LINC00632: variants seen among roughly 807,000 people sequenced by gnomAD.
The protein encoded by LINC00632 is long independently transcribed non-coding RNA 632.
At chrX:140,714,911 G>A (rs1432566168) in intron 2 of LINC00632, 1 of 108,710 alleles carries the variant, frequency 9.2e-6, no homozygotes, top group East Asian at 2.9e-4. Context: ...TCACTCATTT[G>A]CCCTAAAATA....
At chrX:140,719,806 C>T (rs1383245922) in intron 2 of LINC00632, among the ~76,000 whole-genome samples, 2 of 108,798 alleles carry the variant, frequency 1.8e-5, no homozygotes, top group Admixed American at 2.0e-4. Context: ...ACTCACATCC[C>T]AGGCCAGGTG....
chrX:140,730,983 C>A (rs1039810030), intron 2 of LINC00632, among the ~76,000 whole-genome samples: 1 of 109,657 alleles, frequency 9.1e-6, no homozygotes, highest in Non-Finnish European at 1.9e-5. Context: ...CTCACTGTAA[C>A]CTCCATCTCC....
intron 3 of LINC00632, among the ~76,000 whole-genome samples, chrX:140,743,141 C>A (rs1190521371): frequency 1.0e-5 from 1 of 96,971 alleles, no homozygotes; most frequent in Non-Finnish European, 2.0e-5. Context: ...AGGAGAATTG[C>A]TTAAACCCAG....
chrX:140,783,964 C>T (rs760104879), exon 5 of LINC00632: 28 of 1,207,336 alleles, frequency 2.3e-5, no homozygotes, highest in Non-Finnish European at 3.1e-5. Context: ...CTTCCAATGG[C>T]CTCCAGGTCT....
intron 2 of LINC00632, among the ~76,000 whole-genome samples, chrX:140,718,109 C>CAT (rs1930665769): frequency 9.1e-6 from 1 of 110,302 alleles, no homozygotes; most frequent in Non-Finnish European, 1.9e-5. Context: ...GCACTTCAGC[C>CAT]TGGGCAACAA....
chrX:140,739,221 C>CT (rs201185169), intron 3 of LINC00632, among the ~76,000 whole-genome samples: 8 of 108,873 alleles, frequency 7.3e-5, no homozygotes, highest in African/African-American at 1.0e-4. Context: ...CATCTGATTT[C>CT]TTTTTTTTTC....
chrX:140,726,079 A>G (rs151218044), intron 2 of LINC00632, among the ~76,000 whole-genome samples: 7,128 of 110,280 alleles, frequency 0.065, 268 homozygotes, highest in African/African-American at 0.14. Flanking sequence ...AACTTTTTCT[A>G]CACTGCCAAC....
chrX:140,765,132 A>T (rs1249887299), intron 3 of LINC00632, among the ~76,000 whole-genome samples: 2 of 112,056 alleles, frequency 1.8e-5, no homozygotes, highest in Non-Finnish European at 3.8e-5. Flanking sequence ...ACTTAGCCTC[A>T]CTTGCCTCAC....
At chrX:140,752,019 C>T (rs1223175822) in intron 3 of LINC00632, among the ~76,000 whole-genome samples, 1 of 111,412 alleles carries the variant, frequency 9.0e-6, no homozygotes, top group Non-Finnish European at 1.9e-5. Context: ...ATCTTAGGGA[C>T]AGGACACAGT....
intron 3 of LINC00632, among the ~76,000 whole-genome samples, chrX:140,742,877 G>A (rs182152107): frequency 3.2e-4 from 30 of 94,424 alleles, no homozygotes; most frequent in African/African-American, 9.8e-4. Flanking sequence ...GAGAGAGAGA[G>A]AGGAAGGAAG....
chrX:140,757,094 G>C (rs971052222), intron 3 of LINC00632, among the ~76,000 whole-genome samples: 10 of 110,903 alleles, frequency 9.0e-5, no homozygotes, highest in African/African-American at 3.3e-4. Flanking sequence ...ATCAGTGGCA[G>C]ACGAGAGAAG....
chrX:140,718,412 C>CTT (rs569513861), intron 2 of LINC00632, among the ~76,000 whole-genome samples: 14 of 95,526 alleles, frequency 1.5e-4, no homozygotes, highest in African/African-American at 4.2e-4. Flanking sequence ...TGCACCTATT[C>CTT]TTTTTTTTTT....
At chrX:140,760,287 T>C (rs1931577021) in intron 3 of LINC00632, among the ~76,000 whole-genome samples, 1 of 111,454 alleles carries the variant, frequency 9.0e-6, no homozygotes, top group Non-Finnish European at 1.9e-5. Flanking sequence ...CAATACCAGG[T>C]AGAAAATGCC....
In LINC00632 at chrX:140,767,718, G is replaced by T. The variant is rs138367727; in HGVS notation, n.192-4360G>T. Among the ~76,000 whole-genome samples, 1,030 of 111,951 alleles carry T rather than the reference G, an allele frequency of 9.2e-3. 7 individuals are homozygous for T. The highest frequency in any genetic ancestry group is 0.015 in the Non-Finnish European group (776 of 53,203). On this transcript the variant is annotated intron_variant and non_coding_transcript_variant, in intron 3 of 4. Coordinates refer to ENST00000648200, the Ensembl canonical transcript of LINC00632. ...AACCAATGGGATAGCTAGCTAGATAGATAGATAGAGGAGAGGGGATTTATT... is the reference window on the plus strand; with the variant it reads ...AACCAATGGGATAGCTAGCTAGATATATAGATAGAGGAGAGGGGATTTATT...
rs1329369735 is a variant in LINC00632 at position 140,717,477 on chromosome X, T to A, written n.104+5821T>A. On this transcript the variant is annotated intron_variant and non_coding_transcript_variant, in intron 2 of 4. Coordinates refer to ENST00000648200, the Ensembl canonical transcript of LINC00632. ...CCCCTAAACACAAAACCATCCCAAC[T>A]GCACAGCGTCATATCACAACAGACA... Among the ~76,000 whole-genome samples the A allele has an allele frequency of 2.7e-5, 3 of 110,512 alleles. No homozygotes were observed. The Admixed American group carries it at 2.9e-4, about 11-fold the overall frequency.
intron 3 of LINC00632, among the ~76,000 whole-genome samples, chrX:140,763,089 T>C (rs149457151): frequency 0.026 from 2,853 of 111,874 alleles, 99 homozygotes; most frequent in African/African-American, 0.088. Context: ...TGTTAAAGAC[T>C]ATAGACAAAA....
Position 140,771,179 on chromosome X carries a change from C to T in LINC00632, n.192-899C>T, listed in dbSNP as rs775026142. On this transcript the variant is annotated intron_variant and non_coding_transcript_variant, in intron 3 of 4. Transcript: ENST00000648200. Reference sequence around the variant, plus strand: ...AAAATATTAAAAATGAATAAGTGAACATATTTGTATTATCTTATTGGGGGA... The same window carrying T: ...AAAATATTAAAAATGAATAAGTGAATATATTTGTATTATCTTATTGGGGGA... Among the ~76,000 whole-genome samples, 19 of 110,886 alleles carry T rather than the reference C, an allele frequency of 1.7e-4. No individual in the cohort carries two copies. In the East Asian group the frequency reaches 5.1e-3, roughly 30 times the overall value.
chrX:140,749,590 A>C (rs970945062), intron 3 of LINC00632, among the ~76,000 whole-genome samples: 3 of 111,332 alleles, frequency 2.7e-5, no homozygotes, highest in African/African-American at 9.8e-5. Flanking sequence ...GTAGGGGAGG[A>C]GGAAAGACAG....
chrX:140,721,666 C>T (rs761073138), intron 2 of LINC00632, among the ~76,000 whole-genome samples: 7 of 110,504 alleles, frequency 6.3e-5, no homozygotes, highest in African/African-American at 2.3e-4. Context: ...GGGTTAGGGA[C>T]CCCTGCCTTA....
Sources: allele counts gnomAD v4.1 joint callset (sites outside exome capture counted in the v4.1 genomes callset), GRCh38; gene constraint gnomAD v4.1.1; transcripts MANE v1.5; gene names NCBI Gene and HGNC (gene_info 2026-07-23, HGNC 2026-07-21).